Variants in ADAMTS2 observed in about 807,000 individuals in gnomAD.
The protein encoded by ADAMTS2 is A disintegrin and metalloproteinase with thrombospondin motifs 2.
ADAMTS2 carries 50 observed loss-of-function variants against 123.0 expected under a neutral mutation model. The ratio of observed to expected loss-of-function variants is 0.41; its 90% confidence interval spans 0.32 to 0.51. The LOEUF is 0.51. Ranked by LOEUF, ADAMTS2 falls within the 20% of genes least tolerant of loss-of-function variation. The probability of loss-of-function intolerance (pLI) is 0.35; values close to 1 mark genes in which losing one functional copy is unlikely to be tolerated. For synonymous variants in ADAMTS2, 678 were observed against 695.4 expected (o/e 0.98, Z 0.39); for missense variants, 1,494 against 1,705.2 (o/e 0.88, Z 2.18).
intron 20 of ADAMTS2, 21 bp downstream of exon 20, chr5:179,122,623 C>T (rs376403895): frequency 6.5e-7 from 1 of 1,548,894 alleles, no homozygotes; most frequent in African/African-American, 1.4e-5. Flanking sequence ...GGAGCAGGGG[C>T]AGGGGCTGCA....
At chr5:179,310,169 A>G (rs1756790754) in intron 2 of ADAMTS2, among the ~76,000 whole-genome samples, 1 of 152,204 alleles carries the variant, frequency 6.6e-6, no homozygotes, top group Admixed American at 6.5e-5. Flanking sequence ...ATGTCCCCAC[A>G]GCGCTCAGGC....
At chr5:179,301,245 A>G (rs1224155314) in intron 2 of ADAMTS2, among the ~76,000 whole-genome samples, 4 of 151,826 alleles carry the variant, frequency 2.6e-5, no homozygotes, top group African/African-American at 9.7e-5. Context: ...GAAAGAATTG[A>G]GCCCAGCCGA....
intron 4 of ADAMTS2, among the ~76,000 whole-genome samples, chr5:179,183,007 C>A (rs1764082287): frequency 6.6e-6 from 1 of 152,196 alleles, no homozygotes. Context: ...CATCACAAAG[C>A]TGTTGTGGGG....
intron 3 of ADAMTS2, among the ~76,000 whole-genome samples, chr5:179,243,817 C>T (rs1685657575): frequency 6.6e-6 from 1 of 152,142 alleles, no homozygotes; most frequent in Admixed American, 6.5e-5. Flanking sequence ...GACAATATCT[C>T]ATCAAATAAA....
chr5:179,267,394 G>A (rs1304793793), intron 3 of ADAMTS2, among the ~76,000 whole-genome samples: 1 of 152,252 alleles, frequency 6.6e-6, no homozygotes, highest in African/African-American at 2.4e-5. Flanking sequence ...GCCCGTCAGG[G>A]AGGATGCTGC....
rs774498509 is a variant in ADAMTS2 at position 179,273,026 on chromosome 5, G to C, written c.573C>G (p.Ile191Met). The change falls in exon 3 of 22, where the codon ATC becomes ATG. Residue 191 changes from isoleucine (I) to methionine (M), a missense_variant. Ile to Met is a conservative substitution (Grantham distance 10). Coordinates refer to ENST00000251582, the MANE Select transcript of ADAMTS2 (RefSeq NM_014244.5). ...LIRMEEEEFF[I>M]EPLEKGLAAQ... ...CCGCCAGCCCCTTCTCCAAGGGTTC[G>C]ATGAAGAACTCCTCCTCCTCCATCC... 5 of 1,613,440 alleles carry C rather than the reference G, an allele frequency of 3.1e-6. No individual in the cohort carries two copies. The highest frequency in any genetic ancestry group is 2.2e-5 in the East Asian group (1 of 44,874).
At chr5:179,184,718 G>A (rs1278528011) in intron 4 of ADAMTS2, among the ~76,000 whole-genome samples, 6 of 152,006 alleles carry the variant, frequency 3.9e-5, no homozygotes, top group Non-Finnish European at 8.8e-5. Flanking sequence ...TGGCCTGGGC[G>A]AGCCTGACCT....
intron 1 of ADAMTS2, among the ~76,000 whole-genome samples, chr5:179,344,664 C>A (rs1269464954): frequency 6.6e-6 from 1 of 152,220 alleles, no homozygotes; most frequent in African/African-American, 2.4e-5. Context: ...GCACGAGCGG[C>A]CTGTCCTGCC....
intron 2 of ADAMTS2, among the ~76,000 whole-genome samples, chr5:179,281,148 G>A (rs1045666745): frequency 6.6e-6 from 1 of 152,240 alleles, no homozygotes; most frequent in South Asian, 2.1e-4. Flanking sequence ...ATAAGCCATG[G>A]CGCCCGGCCA....
At chr5:179,244,481 C>A (rs1284140970) in intron 3 of ADAMTS2, among the ~76,000 whole-genome samples, 2 of 152,120 alleles carry the variant, frequency 1.3e-5, no homozygotes, top group African/African-American at 4.8e-5. Flanking sequence ...TATGAGTAGA[C>A]CCATTTTATC....
rs964930103 is a variant in ADAMTS2 at position 179,124,860 on chromosome 5, A to C, written c.2958+113T>G. The C allele has an allele frequency of 9.4e-6, 15 of 1,596,412 alleles. No homozygotes were observed. In the African/African-American group the frequency reaches 1.2e-4, roughly 13 times the overall value. On this transcript the variant is annotated intron_variant, in intron 19 of 21. Coordinates refer to ENST00000251582, the MANE Select transcript of ADAMTS2 (RefSeq NM_014244.5). ...GGCGTCATTGCAGTGCTTGGCATGC[A>C]CGGAGCGGGTGGTGGTGTTGTGTAG...
intron 3 of ADAMTS2, among the ~76,000 whole-genome samples, chr5:179,248,491 A>T (rs1442298200): frequency 6.6e-6 from 1 of 152,114 alleles, no homozygotes; most frequent in African/African-American, 2.4e-5. Context: ...GCTTATCCAC[A>T]GGGGACCAAA....
In ADAMTS2 at chr5:179,180,437, T is replaced by A. The variant is rs1290408182; in HGVS notation, c.975+635A>T. ...GGTCGTGTTAACCACGTGTTTCTGA[T>A]GCTTTGACATCCGAGCCTTGCTGAC... is the stretch of plus-strand genomic sequence containing the variant. On this transcript the variant is annotated intron_variant, in intron 5 of 21. Transcript: ENST00000251582. This position sits in a 1 kb window ranked among gnomAD's most constrained non-coding sequence, Gnocchi z 4.6. Among the ~76,000 whole-genome samples, 3 of 152,214 alleles carry A rather than the reference T, an allele frequency of 2.0e-5. No individual in the cohort carries two copies.
chr5:179,299,275 A>C (rs1212893533), intron 2 of ADAMTS2, among the ~76,000 whole-genome samples: 2 of 145,790 alleles, frequency 1.4e-5, no homozygotes, highest in African/African-American at 2.6e-5. Context: ...CACGCCTGTA[A>C]TCCCAGCACT....
At chr5:179,265,498 C>G (rs1766344603) in intron 3 of ADAMTS2, among the ~76,000 whole-genome samples, 1 of 152,188 alleles carries the variant, frequency 6.6e-6, no homozygotes, top group African/African-American at 2.4e-5. Flanking sequence ...GGGCCCAGCC[C>G]TCGCTGGGGC....
chr5:179,136,070 A>G (rs770674099), intron 12 of ADAMTS2, 28 bp from the exon 13 acceptor site: 11 of 1,613,016 alleles, frequency 6.8e-6, no homozygotes, highest in South Asian at 2.2e-5. Flanking sequence ...GGGGGTCTGC[A>G]AGGAGCCCTG....
chr5:179,289,213 G>T (rs1455553701), intron 2 of ADAMTS2, among the ~76,000 whole-genome samples: 1 of 152,190 alleles, frequency 6.6e-6, no homozygotes, highest in African/African-American at 2.4e-5. Flanking sequence ...GAACGATGGA[G>T]GAGGCAGCTG....
At chr5:179,123,839 C>T (rs1209392059) in intron 19 of ADAMTS2, among the ~76,000 whole-genome samples, 1 of 152,272 alleles carries the variant, frequency 6.6e-6, no homozygotes, top group Non-Finnish European at 1.5e-5. Flanking sequence ...TCACCAGTAC[C>T]AGTTGGTCTG....
At chr5:179,208,006 A>T (rs1035185803) in intron 3 of ADAMTS2, among the ~76,000 whole-genome samples, 2 of 151,786 alleles carry the variant, frequency 1.3e-5, no homozygotes, top group African/African-American at 4.8e-5. Flanking sequence ...CCTCCACACG[A>T]TGGATCAGAC....
Sources: gnomAD v4.1 joint callset for allele counts (sites outside exome capture counted in the v4.1 genomes callset) on GRCh38, gnomAD v4.1.1 for gene constraint, Gnocchi (gnomAD v3.1) non-coding constraint, MANE v1.5 for transcripts, NCBI Gene and HGNC (gene_info 2026-07-23, HGNC 2026-07-21) for gene names.